The following TMPRSS15 variants were observed in gnomAD, a reference collection of about 807,000 sequenced individuals.
TMPRSS15 encodes enteropeptidase.
In TMPRSS15, 128 loss-of-function variants were observed where a neutral mutation model predicts 125.3. That is an observed-to-expected ratio of 1.02 (90% CI 0.89 to 1.18). TMPRSS15 has a LOEUF of 1.18. Among genes scored for constraint, TMPRSS15 ranks in the 50% most tolerant of loss-of-function variants. The pLI is 0.00. For missense variants in TMPRSS15, 1,283 were observed against 1,212.7 expected, an observed-to-expected ratio of 1.06 and a Z score of -0.86; for synonymous variants, 446 against 423.2, an observed-to-expected ratio of 1.05 and a Z score of -0.66.
intron 24 of TMPRSS15, among the ~76,000 whole-genome samples, chr21:18,273,022 T>C (rs1046866557): frequency 3.3e-5 from 5 of 152,136 alleles, no homozygotes; most frequent in African/African-American, 1.2e-4. Flanking sequence ...AGCAGATATG[T>C]GATGAGCCCT....
At chr21:18,480,094 T>C (rs1978954283) in intron 1 of TMPRSS15, among the ~76,000 whole-genome samples, 1 of 151,978 alleles carries the variant, frequency 6.6e-6, no homozygotes, top group Admixed American at 6.6e-5. Flanking sequence ...TGCAGGGACA[T>C]GGAGGAAGCT....
At chr21:18,369,840 C>T (rs1302266266) in intron 6 of TMPRSS15, among the ~76,000 whole-genome samples, 1 of 151,986 alleles carries the variant, frequency 6.6e-6, no homozygotes, top group East Asian at 1.9e-4. Flanking sequence ...AATGAAGCAA[C>T]TTAAAATGAA....
At chr21:18,302,218 G>C (rs1256913903) in intron 18 of TMPRSS15, among the ~76,000 whole-genome samples, 2 of 152,204 alleles carry the variant, frequency 1.3e-5, no homozygotes, top group East Asian at 1.9e-4. Context: ...GTAATGAATA[G>C]AGCCAGGTGG....
intron 1 of TMPRSS15, among the ~76,000 whole-genome samples, chr21:18,432,109 T>A (rs974127295): frequency 4.6e-5 from 7 of 152,190 alleles, no homozygotes; most frequent in Non-Finnish European, 8.8e-5. Context: ...TTTTGCTTTG[T>A]CATGAACTCA....
chr21:18,330,918 A>C (rs1013575013), intron 14 of TMPRSS15, among the ~76,000 whole-genome samples: 7 of 151,890 alleles, frequency 4.6e-5, no homozygotes, highest in Non-Finnish European at 1.0e-4. Flanking sequence ...TAAAAATACA[A>C]AAAAATTAGC....
chr21:18,418,853 T>A (rs555071802), intron 1 of TMPRSS15, among the ~76,000 whole-genome samples: 15 of 152,326 alleles, frequency 9.8e-5, no homozygotes, highest in African/African-American at 3.6e-4. Context: ...ACATGGTAGA[T>A]CAATGCAAAA....
chr21:18,360,066 G>C (rs1293150764), intron 7 of TMPRSS15, among the ~76,000 whole-genome samples: 1 of 152,032 alleles, frequency 6.6e-6, no homozygotes, highest in Non-Finnish European at 1.5e-5. Context: ...TTTCAGGACT[G>C]AAACTCTGTA....
chr21:18,435,751 C>T (rs1164628071), intron 1 of TMPRSS15, among the ~76,000 whole-genome samples: 2 of 152,114 alleles, frequency 1.3e-5, no homozygotes, highest in East Asian at 1.9e-4. Flanking sequence ...GCTGTGAATC[C>T]ATCTGGTCCT....
chr21:18,342,183 T>G (rs1347559216), intron 12 of TMPRSS15, among the ~76,000 whole-genome samples: 1 of 152,092 alleles, frequency 6.6e-6, no homozygotes, highest in African/African-American at 2.4e-5. Flanking sequence ...TCAGGAACAG[T>G]GGGTATTTTA....
Position 18,353,041 on chromosome 21 carries a change from T to C in TMPRSS15, c.1033A>G (p.Ile345Val). The change falls in exon 10 of 25, where the codon ATT becomes GTT. Residue 345 changes from isoleucine to valine, a missense_variant. Physicochemically the swap from Ile to Val is conservative, Grantham distance 29. Coordinates refer to ENST00000284885, the MANE Select transcript of TMPRSS15 (RefSeq NM_002772.3). Reference protein sequence around the residue: ...NSSELNNYEKINCNFEDGFCF... With the variant: ...NSSELNNYEKVNCNFEDGFCF... The stretch of plus-strand genomic sequence containing the variant: ...AAGCCATCCTCAAAGTTACAATTAA[T>C]TTTCTCATAATCTGTGAATGAAAAA... 6.2e-7 allele frequency: 1 copy of C among 1,610,250 alleles called. No individual in the cohort carries two copies. The highest frequency in any genetic ancestry group is 8.5e-7 in the Non-Finnish European group (1 of 1,178,426).
At chr21:18,396,847 T>TATCAATC (rs1555909762) in intron 3 of TMPRSS15, among the ~76,000 whole-genome samples, 13 of 139,512 alleles carry the variant, frequency 9.3e-5, no homozygotes, top group African/African-American at 3.4e-4. Context: ...TCTATCTATC[T>TATCAATC]ATCTTAAGTC....
intron 3 of TMPRSS15, among the ~76,000 whole-genome samples, chr21:18,396,894 G>A (rs550805447): frequency 2.0e-5 from 3 of 150,718 alleles, no homozygotes; most frequent in Non-Finnish European, 4.4e-5. Flanking sequence ...TTCAACCAGT[G>A]AGTTTCCTTT....
At chr21:18,288,641 A>T (rs2074795892) in intron 21 of TMPRSS15, among the ~76,000 whole-genome samples, 1 of 147,626 alleles carries the variant, frequency 6.8e-6, no homozygotes, top group Admixed American at 7.0e-5. Context: ...CCCGGGTTCA[A>T]GCAATTCTCT....
chr21:18,472,482 C>T (rs866399611), intron 1 of TMPRSS15, among the ~76,000 whole-genome samples: 19 of 137,342 alleles, frequency 1.4e-4, no homozygotes, highest in African/African-American at 5.3e-4. Context: ...TATATATATA[C>T]ACACACACAC....
At chr21:18,404,100 G>T (rs1371249627), upstream of TMPRSS15, among the ~76,000 whole-genome samples, 4 of 152,110 alleles carry the variant, frequency 2.6e-5, no homozygotes, top group Non-Finnish European at 5.9e-5. Context: ...CTTATATGTT[G>T]ATATAGACCT....
intron 16 of TMPRSS15, among the ~76,000 whole-genome samples, chr21:18,324,761 A>G (rs2075272765): frequency 6.6e-6 from 1 of 152,136 alleles, no homozygotes; most frequent in African/African-American, 2.4e-5. Context: ...ACATAACCAA[A>G]GTCTGCTGTA....
intron 24 of TMPRSS15, among the ~76,000 whole-genome samples, chr21:18,272,664 G>T (rs1327769287): frequency 6.6e-6 from 1 of 152,116 alleles, no homozygotes; most frequent in Admixed American, 6.5e-5. Flanking sequence ...GGTGGAGGTT[G>T]CAGTGAGTGG....
intron 21 of TMPRSS15, among the ~76,000 whole-genome samples, chr21:18,281,535 C>T (rs1446977331): frequency 6.6e-6 from 1 of 152,114 alleles, no homozygotes; most frequent in Non-Finnish European, 1.5e-5. Flanking sequence ...CTGACACCTA[C>T]TTCCCCTCCT....
At chr21:18,477,326 A>G (rs1437959061) in intron 1 of TMPRSS15, 1 of 152,118 alleles carries the variant, frequency 6.6e-6, no homozygotes, top group Non-Finnish European at 1.5e-5. Flanking sequence ...AAGGTCTCTA[A>G]TCATACATTT....
Sources: gnomAD v4.1 joint callset for allele counts (sites outside exome capture counted in the v4.1 genomes callset) on GRCh38, gnomAD v4.1.1 for gene constraint, MANE v1.5 for transcripts, NCBI Gene and HGNC (gene_info 2026-07-23, HGNC 2026-07-21) for gene names.